The following CTDSPL2 variants were observed in gnomAD, a reference collection of about 807,000 sequenced individuals.
The protein encoded by CTDSPL2 is CTD small phosphatase like 2, also known as CTD small phosphatase-like protein 2.
In CTDSPL2, 5 loss-of-function variants were observed where a neutral mutation model predicts 60.0. That is an observed-to-expected ratio of 0.08 (90% CI 0.04 to 0.18). The LOEUF (loss-of-function observed/expected upper bound fraction) is 0.18. CTDSPL2 is among the 10% of genes least tolerant of loss of function. The pLI, the probability that CTDSPL2 is intolerant of heterozygous loss-of-function variation, is 1.00. For synonymous variants in CTDSPL2, 186 were observed against 189.3 expected (o/e 0.98, Z 0.14); for missense variants, 370 against 548.8 (o/e 0.67, Z 3.26).
chr15:44,528,023 T>C lies in CTDSPL2; in HGVS notation c.*3849T>C, dbSNP rs182138659. The C allele has an allele frequency of 9.8e-5, 15 of 152,342 alleles. No homozygotes were observed. In the East Asian group the frequency reaches 2.7e-3, roughly 27 times the overall value. 9.4% of individuals were successfully genotyped at this position (152,342 alleles called of 1,614,324 possible). On this transcript the variant is annotated 3_prime_UTR_variant, in exon 13 of 13. Transcript: ENST00000260327. ...AATGCTACTTAAGTTATTATTGGAA[T>C]CCAAGTCTCACTAACTAGGGTACAT...
chr15:44,446,770 T>TTTA (rs2080225773), intron 1 of CTDSPL2, among the ~76,000 whole-genome samples: 1 of 147,496 alleles, frequency 6.8e-6, no homozygotes, highest in Non-Finnish European at 1.5e-5. Flanking sequence ...TTTTTTTTTT[T>TTTA]TTTGAGACGG....
At chr15:44,502,474 A>T (rs1377857421) in intron 8 of CTDSPL2, among the ~76,000 whole-genome samples, 1 of 152,122 alleles carries the variant, frequency 6.6e-6, no homozygotes, top group Non-Finnish European at 1.5e-5. Context: ...GGGGTTGGCA[A>T]CCTTTTTCTA....
intron 2 of CTDSPL2, among the ~76,000 whole-genome samples, chr15:44,461,229 T>G (rs964705231): frequency 1.3e-5 from 2 of 152,214 alleles, no homozygotes; most frequent in Non-Finnish European, 2.9e-5. Flanking sequence ...TTGAACAATG[T>G]GGAGTTTAGG....
In CTDSPL2 at chr15:44,459,216, T is replaced by C. The variant is rs1252453030; in HGVS notation, c.186+16T>C. On this transcript the variant is annotated intron_variant, in intron 2 of 12. Coordinates refer to ENST00000260327, the MANE Select transcript of CTDSPL2 (RefSeq NM_016396.3). ...CACACCTAAGGTAATGATTTTACCA[T>C]ATACTTTCATATCATTAAAAGTGAA... 29 of 1,560,068 alleles carry C rather than the reference T, an allele frequency of 1.9e-5. No individual in the cohort carries two copies. The highest frequency in any genetic ancestry group is 2.5e-5 in the Non-Finnish European group (29 of 1,150,670).
chr15:44,461,401 T>G (rs2080566194), intron 2 of CTDSPL2, among the ~76,000 whole-genome samples: 1 of 152,142 alleles, frequency 6.6e-6, no homozygotes, highest in South Asian at 2.1e-4. Flanking sequence ...TATTCTAATT[T>G]TTTTTTAGAC....
intron 12 of CTDSPL2, among the ~76,000 whole-genome samples, chr15:44,521,937 CAAAAAAAAAAAAAAA>C (rs904398715): frequency 1.6e-5 from 1 of 60,764 alleles, no homozygotes; most frequent in Non-Finnish European, 2.6e-5. Context: ...GACTCCGTCT[CAAAAAAAAAAAAAAA>C]AAAAAAAAAA....
chr15:44,435,573 CAAA>C lies in CTDSPL2; in HGVS notation c.-25+7810_-25+7812del, dbSNP rs1238408347. Among the ~76,000 whole-genome samples the C allele has an allele frequency of 3.1e-5, 4 of 127,474 alleles. No homozygotes were observed. In the Admixed American group the frequency reaches 3.1e-4, roughly 10 times the overall value. 83.6% of individuals were successfully genotyped at this position (127,474 alleles called of 152,430 possible). A position where few individuals can be genotyped will look rare whatever the true frequency, so the allele number is the denominator to read the frequency against. Reference sequence around the variant, plus strand: ...AAGGAGAGAAACTCTGTCTCAAAACCAAAAAAAAAAAGAGAATCTTCCTGTTGT... The same window carrying C: ...AAGGAGAGAAACTCTGTCTCAAAACCAAAAAAAAGAGAATCTTCCTGTTGT... On this transcript the variant is annotated intron_variant, in intron 1 of 12. Transcript: ENST00000260327.
At chr15:44,428,317 T>C (rs2079789304) in intron 1 of CTDSPL2, among the ~76,000 whole-genome samples, 1 of 152,130 alleles carries the variant, frequency 6.6e-6, no homozygotes, top group Admixed American at 6.6e-5. Context: ...AAATCGGGAG[T>C]GGTAGTAAAG....
chr15:44,449,509 T>G, intron 1 of CTDSPL2, among the ~76,000 whole-genome samples: 1 of 152,106 alleles, frequency 6.6e-6, no homozygotes, highest in Admixed American at 6.5e-5. Context: ...TTTTGTATTG[T>G]TAGTAGAGAC....
intron 8 of CTDSPL2, among the ~76,000 whole-genome samples, chr15:44,509,241 A>G (rs2081524709): frequency 6.6e-6 from 1 of 151,984 alleles, no homozygotes; most frequent in East Asian, 1.9e-4. Context: ...TTGCTTGATC[A>G]CCCAGGCTGG....
chr15:44,499,874 T>G, intron 8 of CTDSPL2, 61 bp downstream of exon 8: 1 of 916,546 alleles, frequency 1.1e-6, no homozygotes, highest in Non-Finnish European at 1.8e-6. Flanking sequence ...AAAAAAAACT[T>G]TTGTATTTTT....
At chr15:44,441,018 T>A (rs1330243036) in intron 1 of CTDSPL2, among the ~76,000 whole-genome samples, 1 of 152,164 alleles carries the variant, frequency 6.6e-6, no homozygotes, top group Non-Finnish European at 1.5e-5. Context: ...AGCGTTTGGC[T>A]TATGTGCCTT....
chr15:44,500,402 G>A (rs1403964970), intron 8 of CTDSPL2, among the ~76,000 whole-genome samples: 1 of 152,176 alleles, frequency 6.6e-6, no homozygotes, highest in Non-Finnish European at 1.5e-5. Flanking sequence ...TGTGGATTAT[G>A]TGTGCTGGCC....
Position 44,526,810 on chromosome 15 carries a change from G to C in CTDSPL2, c.*2636G>C, listed in dbSNP as rs2081882510. ...CCCCTTCAGCTCACACAGGAAACAT[G>C]AACTCTTAAAAAACTGACTAGTAAA... On this transcript the variant is annotated 3_prime_UTR_variant, in exon 13 of 13. Coordinates refer to ENST00000260327, the MANE Select transcript of CTDSPL2 (RefSeq NM_016396.3). 2.6e-5 allele frequency: 4 copies of C among 152,276 alleles called. No individual in the cohort carries two copies. Among genetic ancestry groups the C allele is most frequent in the Admixed American group, 1.3e-4 (2 of 15,262 alleles). The allele number at this position is 152,276 out of a possible 1,614,324, so 9.4% of individuals were successfully genotyped here.
intron 1 of CTDSPL2, among the ~76,000 whole-genome samples, chr15:44,449,508 G>GT: frequency 6.6e-6 from 1 of 152,144 alleles, no homozygotes; most frequent in East Asian, 1.9e-4. Flanking sequence ...TTTTTGTATT[G>GT]TTAGTAGAGA....
rs780445508 is a variant in CTDSPL2 at position 44,459,011 on chromosome 15, A to G, written c.-4A>G. 1 of 1,534,680 alleles carries G rather than the reference A, an allele frequency of 6.5e-7. No homozygotes were observed. Among genetic ancestry groups the G allele is most frequent in the Non-Finnish European group, 8.7e-7 (1 of 1,145,174 alleles). Reference sequence around the variant, plus strand: ...TTTAGTTTTACATGTGGCACCCATAAAAGATGAGGCTGAGAACACGGAAAG... The same window carrying G: ...TTTAGTTTTACATGTGGCACCCATAGAAGATGAGGCTGAGAACACGGAAAG... On this transcript the variant is annotated 5_prime_UTR_variant, in exon 2 of 13. An upstream open reading frame in the 5' UTR loses its in-frame stop. Transcript: ENST00000260327.
At chr15:44,487,607 C>T (rs117972610) in intron 4 of CTDSPL2, among the ~76,000 whole-genome samples, 1,813 of 152,242 alleles carry the variant, frequency 0.012, 22 homozygotes, top group Non-Finnish European at 0.02. Context: ...GCGTAGAGGC[C>T]TTGCAGCAGA....
chr15:44,450,247 T>G (rs2141319845), intron 1 of CTDSPL2, among the ~76,000 whole-genome samples: 1 of 152,176 alleles, frequency 6.6e-6, no homozygotes, highest in South Asian at 2.1e-4. Context: ...AACTTAAAAT[T>G]AGGAAACATT....
intron 2 of CTDSPL2, among the ~76,000 whole-genome samples, chr15:44,469,010 A>G (rs969402228): frequency 2.5e-4 from 38 of 151,996 alleles, no homozygotes; most frequent in African/African-American, 5.6e-4. Flanking sequence ...TTTGTATTCA[A>G]TTAATCCTTA....
Sources: allele counts gnomAD v4.1 joint callset (sites outside exome capture counted in the v4.1 genomes callset), GRCh38; gene constraint gnomAD v4.1.1; transcripts MANE v1.5; gene names NCBI Gene and HGNC (gene_info 2026-07-23, HGNC 2026-07-21).